The following BTBD1 variants were observed in gnomAD, a reference collection of about 807,000 sequenced individuals.
BTBD1 encodes the protein BTB/POZ domain-containing protein 1.
In BTBD1, 34 loss-of-function variants were observed where a neutral mutation model predicts 48.0. That is an observed-to-expected ratio of 0.71 (90% confidence interval 0.54 to 0.94). The LOEUF (loss-of-function observed/expected upper bound fraction) is 0.94. BTBD1 is among the 40% of genes least tolerant of loss of function. The pLI is 0.00. For synonymous variants in BTBD1, 261 were observed against 242.1 expected, an observed-to-expected ratio of 1.08 and a Z score of -0.72; for missense variants, 543 against 625.6, an observed-to-expected ratio of 0.87 and a Z score of 1.41.
intron 4 of BTBD1, among the ~76,000 whole-genome samples, chr15:83,032,649 G>A (rs2032539766): frequency 6.6e-6 from 1 of 152,064 alleles, no homozygotes; most frequent in South Asian, 2.1e-4. Flanking sequence ...ATACCATATG[G>A]TCTTACTTAT....
intron 3 of BTBD1, chr15:83,044,307 A>C: frequency 1.1e-6 from 1 of 881,340 alleles, no homozygotes; most frequent in Non-Finnish European, 1.8e-6. Flanking sequence ...CCCCAGTTCG[A>C]CAGCAAGCTG....
rs1185942008 is a variant in BTBD1 at position 83,016,778 on chromosome 15, GCCA to G, written c.*1286_*1288del. ...CCTTTAGCAATTTCAAGAGACCTCAGCCACCAATATACCTACCTTCTTTACAAT... is the reference window on the plus strand; with the variant it reads ...CCTTTAGCAATTTCAAGAGACCTCAGCCAATATACCTACCTTCTTTACAAT... On this transcript the variant is annotated 3_prime_UTR_variant, in exon 8 of 8. Coordinates refer to ENST00000261721, the MANE Select transcript of BTBD1 (RefSeq NM_025238.4). 1 of 152,026 alleles carries G rather than the reference GCCA, an allele frequency of 6.6e-6. No homozygotes were observed. The highest frequency in any genetic ancestry group is 1.5e-5 in the Non-Finnish European group (1 of 68,010). 9.4% of individuals were successfully genotyped at this position (152,026 alleles called of 1,614,324 possible).
intron 5 of BTBD1, among the ~76,000 whole-genome samples, chr15:83,027,645 A>G (rs1005331192): frequency 3.3e-5 from 5 of 152,352 alleles, no homozygotes; most frequent in Admixed American, 1.3e-4. Flanking sequence ...GTCTTTGCTG[A>G]AAACGATTAA....
intron 3 of BTBD1, among the ~76,000 whole-genome samples, chr15:83,042,348 T>TTA (rs61294242): frequency 0.094 from 10,279 of 109,592 alleles, 691 homozygotes; most frequent in South Asian, 0.12. Context: ...TTAGGCAATT[T>TTA]TATATATATA....
At chr15:83,018,901 C>A (rs2032226687) in intron 6 of BTBD1, 48 bp from the exon 7 acceptor site, 1 of 1,452,648 alleles carries the variant, frequency 6.9e-7, no homozygotes, top group Non-Finnish European at 9.4e-7. Flanking sequence ...CCAAATAAAG[C>A]AAACTATAGA....
chr15:83,054,605 AG>A (rs2033050471), intron 2 of BTBD1, among the ~76,000 whole-genome samples: 1 of 140,194 alleles, frequency 7.1e-6, no homozygotes, highest in South Asian at 2.2e-4. Flanking sequence ...CTCTGTCGCC[AG>A]GCTGGAAGGC....
At chr15:83,040,050 A>G (rs1341223416) in intron 4 of BTBD1, among the ~76,000 whole-genome samples, 2 of 151,998 alleles carry the variant, frequency 1.3e-5, no homozygotes, top group Non-Finnish European at 1.5e-5. Flanking sequence ...CTATAAAGCC[A>G]TAAAAAAGAA....
intron 5 of BTBD1, among the ~76,000 whole-genome samples, chr15:83,029,126 A>G (rs2032467311): frequency 6.6e-6 from 1 of 152,168 alleles, no homozygotes; most frequent in Non-Finnish European, 1.5e-5. Flanking sequence ...ATTGTGAATT[A>G]TTATTAAATA....
At chr15:83,037,858 T>TG (rs1442533836) in intron 4 of BTBD1, among the ~76,000 whole-genome samples, 1 of 152,008 alleles carries the variant, frequency 6.6e-6, no homozygotes, top group Non-Finnish European at 1.5e-5. Context: ...CAAGACAGGG[T>TG]GGATCACCTG....
chr15:83,033,608 T>A (rs771741815), intron 4 of BTBD1, among the ~76,000 whole-genome samples: 2 of 152,110 alleles, frequency 1.3e-5, no homozygotes, highest in Non-Finnish European at 2.9e-5. Flanking sequence ...AGAGACAGGG[T>A]CTCACTGTTG....
chr15:83,059,585 T>C (rs2033144901), intron 1 of BTBD1, among the ~76,000 whole-genome samples: 1 of 152,198 alleles, frequency 6.6e-6, no homozygotes, highest in Admixed American at 6.5e-5. Context: ...TTATAGCTTA[T>C]ACATTTTGTT....
In BTBD1 at chr15:83,017,861, TTC is replaced by T. The variant is rs1378261450; in HGVS notation, c.*204_*205del. 2 of 331,572 alleles carry T rather than the reference TTC, an allele frequency of 6.0e-6. No individual in the cohort carries two copies. The highest frequency in any genetic ancestry group is 1.1e-5 in the Non-Finnish European group (2 of 185,498). 20.5% of individuals were successfully genotyped at this position (331,572 alleles called of 1,614,324 possible). ...TTTTAAACCATTAAACCCAGTTCTTTTCTCTTAAAGTTGTAAGAAAATGGAAA... is the reference window on the plus strand; with the variant it reads ...TTTTAAACCATTAAACCCAGTTCTTTTCTTAAAGTTGTAAGAAAATGGAAA... On this transcript the variant is annotated 3_prime_UTR_variant, in exon 8 of 8. Transcript: ENST00000261721.
At chr15:83,044,723 T>C (rs2151308120) in intron 3 of BTBD1, 2 of 1,471,060 alleles carry the variant, frequency 1.4e-6, no homozygotes, top group East Asian at 4.5e-5. Flanking sequence ...TGGTGTACTG[T>C]GTCATGAACA....
chr15:83,038,744 C>G (rs2032678627), intron 4 of BTBD1, among the ~76,000 whole-genome samples: 1 of 152,150 alleles, frequency 6.6e-6, no homozygotes, highest in Admixed American at 6.6e-5. Context: ...AGAAATAAAG[C>G]TGCAGACCTA....
intron 3 of BTBD1, among the ~76,000 whole-genome samples, chr15:83,046,761 G>C (rs2032886817): frequency 6.6e-6 from 1 of 152,174 alleles, no homozygotes; most frequent in East Asian, 1.9e-4. Flanking sequence ...ACCACATGCA[G>C]GTGCTGGGGA....
rs7757 is a variant in BTBD1, at chr15:83,016,688, A to T, written c.*1379T>A. 1 of 152,110 alleles carries T rather than the reference A, an allele frequency of 6.6e-6. No homozygotes were observed. Among genetic ancestry groups the T allele is most frequent in the Non-Finnish European group, 1.5e-5 (1 of 68,020 alleles). 9.4% of individuals were successfully genotyped at this position (152,110 alleles called of 1,614,324 possible). A position where few individuals can be genotyped will look rare whatever the true frequency, so the allele number is the denominator to read the frequency against. On this transcript the variant is annotated 3_prime_UTR_variant, in exon 8 of 8. Coordinates refer to ENST00000261721, the MANE Select transcript of BTBD1 (RefSeq NM_025238.4). ...AATTTTTAGTTAACCAGAACCACACATCCCATAGATAATTCCATTTAACTG... is the reference window on the plus strand; with the variant it reads ...AATTTTTAGTTAACCAGAACCACACTTCCCATAGATAATTCCATTTAACTG...
At chr15:83,022,924 C>A (rs1274619705) in intron 5 of BTBD1, among the ~76,000 whole-genome samples, 2 of 150,634 alleles carry the variant, frequency 1.3e-5, no homozygotes, top group Non-Finnish European at 3.0e-5. Context: ...TGCACCACTG[C>A]ACTCCAGCCT....
chr15:83,032,283 T>C (rs1157751089), intron 4 of BTBD1, among the ~76,000 whole-genome samples: 1 of 151,670 alleles, frequency 6.6e-6, no homozygotes, highest in African/African-American at 2.4e-5. Flanking sequence ...ATCGCACTAC[T>C]GCACTCCAGC....
intron 1 of BTBD1, among the ~76,000 whole-genome samples, chr15:83,062,969 T>C (rs1389778061): frequency 1.3e-5 from 2 of 152,206 alleles, no homozygotes; most frequent in Admixed American, 6.5e-5. Flanking sequence ...GGGTTATCGA[T>C]AGCTTCCACC....
Sources: gnomAD v4.1 joint callset for allele counts (sites outside exome capture counted in the v4.1 genomes callset) on GRCh38, gnomAD v4.1.1 for gene constraint, MANE v1.5 for transcripts, NCBI Gene and HGNC (gene_info 2026-07-23, HGNC 2026-07-21) for gene names.